HDAC2: variants seen among roughly 807,000 people sequenced by gnomAD.
HDAC2 encodes the protein YY1-associated factor 1.
Under a neutral mutation model 68.5 loss-of-function variants are expected in HDAC2, and 5 were observed. The observed-to-expected ratio is 0.07, with a 90% CI of 0.04 to 0.15. The LOEUF (loss-of-function observed/expected upper bound fraction) is 0.15, where lower values mean the gene tolerates loss of function less well. Among genes scored for constraint, HDAC2 ranks in the 10% least tolerant of loss-of-function variants. HDAC2 has a pLI of 1.00. For synonymous variants in HDAC2, 182 were observed against 191.3 expected, an observed-to-expected ratio of 0.95 and a Z score of 0.40; for missense variants, 291 against 600.8, an observed-to-expected ratio of 0.48 and a Z score of 5.39.
At chr6:113,945,758 C>T (rs964779962) in intron 9 of HDAC2, among the ~76,000 whole-genome samples, 2 of 152,284 alleles carry the variant, frequency 1.3e-5, no homozygotes, top group East Asian at 1.9e-4. Context: ...AAATATTCAA[C>T]GTTTTATTTT....
Position 113,970,844 on chromosome 6 carries a change from C to T in HDAC2, c.52+13G>A, listed in dbSNP as rs1215384407. On this transcript the variant is annotated intron_variant, in intron 1 of 13. Coordinates refer to ENST00000519065, the MANE Select transcript of HDAC2 (RefSeq NM_001527.4). ...CCCCGCGCGCCCACCCCGACACCGGCCCGGCCGCTCACCGTCGTAGTAGTA... is the reference window on the plus strand; with the variant it reads ...CCCCGCGCGCCCACCCCGACACCGGTCCGGCCGCTCACCGTCGTAGTAGTA... The T allele has an allele frequency of 1.3e-6, 2 of 1,536,984 alleles. No homozygotes were observed. Among genetic ancestry groups the T allele is most frequent in the Admixed American group, 2.0e-5 (1 of 50,806 alleles).
chr6:113,950,795 A>G (rs952784682), intron 6 of HDAC2, among the ~76,000 whole-genome samples: 17 of 152,202 alleles, frequency 1.1e-4, no homozygotes, highest in African/African-American at 4.1e-4. Context: ...AGTTCTTCTG[A>G]ACCTCTCATG....
At chr6:113,956,515 T>C in intron 4 of HDAC2, 104 bp downstream of exon 4, 1 of 781,478 alleles carries the variant, frequency 1.3e-6, no homozygotes, top group Non-Finnish European at 2.2e-6. Flanking sequence ...TTCCTTTTGT[T>C]ATCAAAATTC....
At position 113,940,996 on chromosome 6, in the gene HDAC2, A is replaced by G; in HGVS notation, c.*62T>C. On this transcript the variant is annotated 3_prime_UTR_variant, in exon 14 of 14. Transcript: ENST00000519065. ...ATGAAGCCAGAAGTCTTCAAAAAGA[A>G]AACATTTTCCTTTCAATATTTTCTT... is the stretch of plus-strand genomic sequence containing the variant. The G allele has an allele frequency of 7.4e-7, 1 of 1,343,626 alleles. No homozygotes were observed. The highest frequency in any genetic ancestry group is 1.1e-6 in the Non-Finnish European group (1 of 946,050). The allele number at this position is 1,343,626 out of a possible 1,614,324, so 83.2% of individuals were successfully genotyped here.
chr6:113,951,847 T>A (rs746440477), intron 6 of HDAC2, among the ~76,000 whole-genome samples: 4 of 152,162 alleles, frequency 2.6e-5, no homozygotes, highest in Non-Finnish European at 5.9e-5. Context: ...TTCTCTAATA[T>A]TTTCAAAAAC....
At position 113,959,969 on chromosome 6, in the gene HDAC2, A is replaced by G. The variant is rs555731459; in HGVS notation, c.102T>C (p.His34=). 6.9e-6 allele frequency: 11 copies of G among 1,594,140 alleles called. No homozygotes were observed. In the African/African-American group the frequency reaches 1.3e-4, roughly 19 times the overall value. Residue 34 remains histidine (H), a synonymous_variant, in exon 2 of 14, where the codon CAT becomes CAC. Transcript: ENST00000519065. ...YYGQGHPMKP[H]RIRMTHNLLL... The stretch of plus-strand genomic sequence containing the variant: ...GCAAGTTATGGGTCATGCGGATTCT[A>G]TGAGGCTTCATGGGATGACCCTGTC...
At chr6:113,945,511 A>G (rs1446435446) in intron 9 of HDAC2, 41 bp from the exon 10 acceptor site, 1 of 950,726 alleles carries the variant, frequency 1.1e-6, no homozygotes, top group Non-Finnish European at 1.7e-6. Context: ...TTACAAGCTC[A>G]GTTTTCACAA....
rs1776253662 is a variant in HDAC2 at position 113,945,867 on chromosome 6, A to T, written c.982+141T>A. ...TAGGCTGGGCTAAGTCATGTTTGGTAGGTTAAGTGTATTATATCCATTTTC... is the reference window on the plus strand; with the variant it reads ...TAGGCTGGGCTAAGTCATGTTTGGTTGGTTAAGTGTATTATATCCATTTTC... On this transcript the variant is annotated intron_variant, in intron 9 of 13. Transcript: ENST00000519065. The T allele has an allele frequency of 1.6e-5, 11 of 693,062 alleles. 1 individual carries two copies. The Admixed American group carries it at 2.9e-4, about 18-fold the overall frequency. The allele number at this position is 693,062 out of a possible 1,614,324, so 42.9% of individuals were successfully genotyped here. A position where few individuals can be genotyped will look rare whatever the true frequency, so the allele number is the denominator to read the frequency against.
chr6:113,953,554 G>A (rs1776471483), intron 5 of HDAC2, 136 bp from the exon 6 acceptor site: 1 of 536,774 alleles, frequency 1.9e-6, no homozygotes, highest in Admixed American at 3.5e-5. Context: ...CAGCCTAAGA[G>A]GTTATTCAAA....
chr6:113,952,401 G>A (rs1440157380), intron 6 of HDAC2, among the ~76,000 whole-genome samples: 1 of 152,204 alleles, frequency 6.6e-6, no homozygotes, highest in Non-Finnish European at 1.5e-5. Flanking sequence ...TACTGAGAAA[G>A]TATCACACTG....
At chr6:113,959,205 C>G (rs1040562814) in intron 2 of HDAC2, among the ~76,000 whole-genome samples, 1 of 152,068 alleles carries the variant, frequency 6.6e-6, no homozygotes. Flanking sequence ...CCGAAGAGCT[C>G]AATTTCACGT....
chr6:113,945,949 T>G (rs898143630), intron 9 of HDAC2, 59 bp downstream of exon 9: 1 of 1,332,702 alleles, frequency 7.5e-7, no homozygotes, highest in Non-Finnish European at 1.1e-6. Flanking sequence ...GCAACATAAT[T>G]AGAGGAGCAT....
intron 1 of HDAC2, among the ~76,000 whole-genome samples, chr6:113,965,881 T>G (rs957255835): frequency 6.6e-6 from 1 of 152,240 alleles, no homozygotes; most frequent in South Asian, 2.1e-4. Context: ...TAGACTTGAT[T>G]TGAATTCTTC....
intron 1 of HDAC2, 136 bp downstream of exon 1, chr6:113,970,721 G>A (rs1343852908): frequency 2.1e-6 from 3 of 1,396,714 alleles, no homozygotes; most frequent in Non-Finnish European, 1.8e-6. Context: ...GCCGGGCCGG[G>A]AACGGGTTAA....
chr6:113,961,683 A>G (rs1436301146), intron 1 of HDAC2, among the ~76,000 whole-genome samples: 1 of 152,202 alleles, frequency 6.6e-6, no homozygotes, highest in Non-Finnish European at 1.5e-5. Context: ...GCCTGGTCTC[A>G]TCATTTCTTA....
rs1203835789 is a variant in HDAC2, at chr6:113,938,603, CCA to C, written c.*2453_*2454del. Reference sequence around the variant, plus strand: ...TTGGTTACCAGTTGTTGTCCCAATTCCACTTACAAAATAATGTCTTTCCTTGC... The same window carrying C: ...TTGGTTACCAGTTGTTGTCCCAATTCCTTACAAAATAATGTCTTTCCTTGC... On this transcript the variant is annotated 3_prime_UTR_variant, in exon 14 of 14. Transcript: ENST00000519065. 1 of 152,148 alleles carries C rather than the reference CCA, an allele frequency of 6.6e-6. No homozygotes were observed. Among genetic ancestry groups the C allele is most frequent in the African/African-American group, 2.4e-5 (1 of 41,440 alleles). The allele number at this position is 152,148 out of a possible 1,614,324, so 9.4% of individuals were successfully genotyped here.
intron 1 of HDAC2, 31 bp downstream of exon 1, chr6:113,970,826 C>T: frequency 2.0e-6 from 3 of 1,525,182 alleles, no homozygotes; most frequent in South Asian, 1.2e-5. Flanking sequence ...CGGCCCCGCG[C>T]GCCCACCCCG....
At chr6:113,947,013 T>C (rs1205080001) in intron 8 of HDAC2, 1 of 152,184 alleles carries the variant, frequency 6.6e-6, no homozygotes, top group Non-Finnish European at 1.5e-5. Context: ...GTTCTCTTCA[T>C]GTAACTGTAT....
In HDAC2 at chr6:113,939,578, G is replaced by T. The variant is rs1480098508; in HGVS notation, c.*1480C>A. The T allele has an allele frequency of 1.3e-5, 2 of 152,038 alleles. No homozygotes were observed. The highest frequency in any genetic ancestry group is 4.8e-5 in the African/African-American group (2 of 41,398). 9.4% of individuals were successfully genotyped at this position (152,038 alleles called of 1,614,324 possible). On this transcript the variant is annotated 3_prime_UTR_variant, in exon 14 of 14. Transcript: ENST00000519065. ...GTTTCTTAGTTCCTAATGTCATAAAGGTTTACAGATTGATAACAAATATGT... is the reference window on the plus strand; with the variant it reads ...GTTTCTTAGTTCCTAATGTCATAAATGTTTACAGATTGATAACAAATATGT...
Sources: allele counts gnomAD v4.1 joint callset (sites outside exome capture counted in the v4.1 genomes callset), GRCh38; gene constraint gnomAD v4.1.1; transcripts MANE v1.5; gene names NCBI Gene and HGNC (gene_info 2026-07-23, HGNC 2026-07-21).